CDH13: variants seen among roughly 807,000 people sequenced by gnomAD.
CDH13 encodes cadherin 13, also known as cadherin-13.
In CDH13, 24 loss-of-function variants were observed where a neutral mutation model predicts 63.8. The ratio of observed to expected loss-of-function variants is 0.38; its 90% confidence interval spans 0.27 to 0.53. The LOEUF is 0.53. Ranked by LOEUF, CDH13 falls within the 20% of genes least tolerant of loss-of-function variation. The pLI, the probability that CDH13 is intolerant of heterozygous loss-of-function variation, is 0.85. For missense variants in CDH13, 1,049 were observed against 903.1 expected (o/e 1.16, Z -2.07); for synonymous variants, 503 against 355.3 (o/e 1.42, Z -4.67).
chr16:83,146,998 A>C (rs2036778618), intron 4 of CDH13, among the ~76,000 whole-genome samples: 2 of 152,074 alleles, frequency 1.3e-5, no homozygotes, highest in Admixed American at 6.6e-5. Flanking sequence ...TGAGGCAGGA[A>C]AATTGCTTGA....
intron 1 of CDH13, among the ~76,000 whole-genome samples, chr16:82,767,234 C>A (rs939183471): frequency 1.3e-5 from 2 of 152,126 alleles, no homozygotes; most frequent in African/African-American, 4.8e-5. Context: ...TCTGTGTAAC[C>A]CAAAGCATTG....
chr16:83,338,367 A>G (rs982566450), intron 5 of CDH13, among the ~76,000 whole-genome samples: 1 of 152,188 alleles, frequency 6.6e-6, no homozygotes, highest in South Asian at 2.1e-4. Flanking sequence ...AGCTCAGGCC[A>G]AAACTTTGGA....
chr16:83,248,129 C>T (rs538055252), intron 5 of CDH13, among the ~76,000 whole-genome samples: 15 of 152,068 alleles, frequency 9.9e-5, no homozygotes, highest in Non-Finnish European at 1.9e-4. Flanking sequence ...GTGAACACCA[C>T]GGGAACCTGC....
chr16:82,974,719 A>G (rs924612397), intron 2 of CDH13, among the ~76,000 whole-genome samples: 1 of 152,192 alleles, frequency 6.6e-6, no homozygotes, highest in African/African-American at 2.4e-5. Context: ...AAGATGCTCT[A>G]TTGCTGTCTT....
chr16:83,743,741 C>CTATTTTCTTTTT (rs1815869575), intron 10 of CDH13, among the ~76,000 whole-genome samples: 2 of 34,506 alleles, frequency 5.8e-5, no homozygotes, highest in Non-Finnish European at 1.2e-4. Flanking sequence ...TGCCTTTTTT[C>CTATTTTCTTTTT]TTTTTTCTTT....
chr16:83,222,727 A>C (rs2039733029), intron 5 of CDH13, among the ~76,000 whole-genome samples: 1 of 151,842 alleles, frequency 6.6e-6, no homozygotes. Flanking sequence ...ATCACCTCCA[A>C]CTAGTTTACA....
At chr16:83,085,622 C>T (rs1043142815) in intron 3 of CDH13, among the ~76,000 whole-genome samples, 2 of 152,186 alleles carry the variant, frequency 1.3e-5, no homozygotes, top group Admixed American at 6.5e-5. Flanking sequence ...GCAAAGGAGG[C>T]TGACACAGCA....
chr16:82,896,711 T>A (rs1349988725), intron 2 of CDH13, among the ~76,000 whole-genome samples: 2 of 149,556 alleles, frequency 1.3e-5, no homozygotes, highest in East Asian at 3.9e-4. Context: ...TGACTCTCAG[T>A]GAATAAGAGA....
intron 1 of CDH13, among the ~76,000 whole-genome samples, chr16:82,700,927 A>G (rs1010316599): frequency 8.1e-6 from 1 of 123,598 alleles, no homozygotes; most frequent in Admixed American, 1.1e-4. Flanking sequence ...ACAGTGCATT[A>G]CGTGCACCAT....
At chr16:83,636,260 C>A (rs1911255773) in intron 8 of CDH13, among the ~76,000 whole-genome samples, 1 of 152,158 alleles carries the variant, frequency 6.6e-6, no homozygotes, top group Non-Finnish European at 1.5e-5. Flanking sequence ...GAGTCCTCTG[C>A]TTTATTCTTC....
intron 1 of CDH13, among the ~76,000 whole-genome samples, chr16:82,725,358 C>G (rs550614871): frequency 9.9e-5 from 15 of 152,282 alleles, no homozygotes; most frequent in African/African-American, 3.6e-4. Context: ...TTATTGTTCT[C>G]TCTATAGTGA....
chr16:82,855,601 C>G (rs939328050), intron 1 of CDH13, among the ~76,000 whole-genome samples: 5 of 152,164 alleles, frequency 3.3e-5, no homozygotes, highest in African/African-American at 1.2e-4. Flanking sequence ...TGTGTATGTG[C>G]CACTTGGGAT....
chr16:83,654,078 G>A (rs776292303), intron 8 of CDH13, among the ~76,000 whole-genome samples: 28 of 152,096 alleles, frequency 1.8e-4, no homozygotes, highest in Non-Finnish European at 3.2e-4. Flanking sequence ...AGTATAGACA[G>A]GGATGGGCAT....
chr16:82,678,852 C>G (rs12921268), intron 1 of CDH13, among the ~76,000 whole-genome samples: 2 of 152,090 alleles, frequency 1.3e-5, no homozygotes, highest in African/African-American at 4.8e-5. Flanking sequence ...TAAAAGAAAA[C>G]AACTCTTTCA....
intron 11 of CDH13, 123 bp downstream of exon 11, chr16:83,748,373 G>A: frequency 2.4e-6 from 2 of 830,464 alleles, no homozygotes; most frequent in Non-Finnish European, 3.7e-6. Context: ...TGTGGGAACA[G>A]CAAAGTAAAT....
At chr16:82,898,890 G>C (rs952802665) in intron 2 of CDH13, among the ~76,000 whole-genome samples, 3 of 152,232 alleles carry the variant, frequency 2.0e-5, no homozygotes, top group African/African-American at 4.8e-5. Context: ...TAAAGTGCTT[G>C]TTTATTAAAG....
intron 2 of CDH13, among the ~76,000 whole-genome samples, chr16:82,975,649 C>A (rs565881345): frequency 6.6e-6 from 1 of 152,186 alleles, no homozygotes; most frequent in Non-Finnish European, 1.5e-5. Context: ...ATTACAGTTT[C>A]TTACATTCCT....
intron 1 of CDH13, among the ~76,000 whole-genome samples, chr16:82,645,945 G>A (rs1028438127): frequency 6.6e-6 from 1 of 152,206 alleles, no homozygotes; most frequent in Non-Finnish European, 1.5e-5. Context: ...TGTTCATCAT[G>A]CCTAAACTTT....
At chr16:83,548,770 G>A (rs951608373) in intron 7 of CDH13, among the ~76,000 whole-genome samples, 4 of 151,936 alleles carry the variant, frequency 2.6e-5, no homozygotes, top group Non-Finnish European at 5.9e-5. Context: ...CCTTACCCTT[G>A]ATTCTCACCT....
Sources: gnomAD v4.1 joint callset for allele counts (sites outside exome capture counted in the v4.1 genomes callset) on GRCh38, gnomAD v4.1.1 for gene constraint, MANE v1.5 for transcripts, NCBI Gene and HGNC (gene_info 2026-07-23, HGNC 2026-07-21) for gene names.